Variants in TMC1 observed in about 807,000 individuals in gnomAD.
The protein encoded by TMC1 is transmembrane channel like 1.
A neutral mutation model predicts 105.8 loss-of-function variants in TMC1; 84 were observed. That is an observed-to-expected ratio of 0.79 (90% CI 0.67 to 0.95). The LOEUF (loss-of-function observed/expected upper bound fraction) is 0.95, where lower values mean the gene tolerates loss of function less well. TMC1 is among the 40% of genes least tolerant of loss of function. TMC1 has a pLI of 0.00. For missense variants in TMC1, 817 were observed against 914.1 expected (o/e 0.89, Z 1.37); for synonymous variants, 315 against 311.5 (o/e 1.01, Z -0.12).
chr9:72,815,353 A>G (rs562853454), intron 18 of TMC1, among the ~76,000 whole-genome samples: 1 of 152,274 alleles, frequency 6.6e-6, no homozygotes, highest in South Asian at 2.1e-4. Context: ...TATCCAAGAC[A>G]TGGAGACTGG....
chr9:72,539,003 G>T (rs1276115245), intron 1 of TMC1, among the ~76,000 whole-genome samples: 3 of 152,108 alleles, frequency 2.0e-5, no homozygotes, highest in Non-Finnish European at 4.4e-5. Flanking sequence ...TGACCAAGGG[G>T]TCCATTCAGT....
At chr9:72,630,248 G>C (rs140299719) in intron 4 of TMC1, among the ~76,000 whole-genome samples, 186 of 152,210 alleles carry the variant, frequency 1.2e-3, no homozygotes, top group African/African-American at 4.2e-3. Context: ...ACAATTACAT[G>C]TTAAAACTAG....
At chr9:72,822,657 G>A (rs189885198) in intron 20 of TMC1, among the ~76,000 whole-genome samples, 214 of 152,088 alleles carry the variant, frequency 1.4e-3, no homozygotes, top group Middle Eastern at 3.4e-3. Context: ...AATAAATTCC[G>A]AACCAATCTC....
chr9:72,545,957 AAAAC>A (rs1823759563), intron 1 of TMC1, among the ~76,000 whole-genome samples: 1 of 152,026 alleles, frequency 6.6e-6, no homozygotes, highest in African/African-American at 2.4e-5. Flanking sequence ...GCTCAAAAAA[AAAAC>A]AAACCTTCAC....
intron 3 of TMC1, among the ~76,000 whole-genome samples, chr9:72,620,554 T>C (rs1024824506): frequency 6.6e-6 from 1 of 152,148 alleles, no homozygotes; most frequent in Non-Finnish European, 1.5e-5. Flanking sequence ...CCTAGCCAGA[T>C]TTCTATTACT....
At chr9:72,642,944 A>G (rs1225419727) in intron 4 of TMC1, among the ~76,000 whole-genome samples, 1 of 152,136 alleles carries the variant, frequency 6.6e-6, no homozygotes, top group Non-Finnish European at 1.5e-5. Flanking sequence ...TTTCCTGTCT[A>G]TAGTTTTGCC....
intron 12 of TMC1, among the ~76,000 whole-genome samples, chr9:72,764,489 G>A (rs953549125): frequency 2.6e-5 from 4 of 152,076 alleles, no homozygotes; most frequent in African/African-American, 4.8e-5. Flanking sequence ...GTCTCATTTT[G>A]TTAAGAGTTT....
intron 8 of TMC1, among the ~76,000 whole-genome samples, chr9:72,739,915 A>G (rs1318923869): frequency 6.6e-6 from 1 of 152,234 alleles, no homozygotes; most frequent in Non-Finnish European, 1.5e-5. Context: ...TGAGACTAAA[A>G]TATCTTACTC....
intron 1 of TMC1, among the ~76,000 whole-genome samples, chr9:72,559,083 G>A (rs539073406): frequency 7.2e-5 from 11 of 151,784 alleles, no homozygotes; most frequent in Middle Eastern, 3.4e-3. Context: ...TAAGAAATGA[G>A]CCTGGAAGAT....
At chr9:72,631,813 A>G (rs1258537586) in intron 4 of TMC1, among the ~76,000 whole-genome samples, 1 of 152,340 alleles carries the variant, frequency 6.6e-6, no homozygotes, top group East Asian at 1.9e-4. Context: ...AATGAGGCCT[A>G]TAAAAACAAG....
chr9:72,775,467 C>A (rs1363443546), intron 13 of TMC1, among the ~76,000 whole-genome samples: 2 of 152,144 alleles, frequency 1.3e-5, no homozygotes, highest in Non-Finnish European at 2.9e-5. Flanking sequence ...GGCTTGACAT[C>A]AGAACCCAAC....
chr9:72,605,457 C>T (rs577676955), intron 2 of TMC1, among the ~76,000 whole-genome samples: 4 of 152,212 alleles, frequency 2.6e-5, no homozygotes, highest in South Asian at 2.1e-4. Flanking sequence ...CTGAGGTCTC[C>T]GTCCTTGGAT....
At chr9:72,782,120 A>G (rs1022737840) in intron 13 of TMC1, among the ~76,000 whole-genome samples, 2 of 152,228 alleles carry the variant, frequency 1.3e-5, no homozygotes, top group Non-Finnish European at 2.9e-5. Context: ...ACCATGATCA[A>G]GTAGGCTTTA....
chr9:72,614,947 T>C (rs965759332), intron 2 of TMC1, among the ~76,000 whole-genome samples: 14 of 152,200 alleles, frequency 9.2e-5, no homozygotes, highest in African/African-American at 3.4e-4. Context: ...CCCAATGTGC[T>C]AGGATTACAG....
intron 5 of TMC1, among the ~76,000 whole-genome samples, chr9:72,666,859 G>T (rs918140832): frequency 6.6e-6 from 1 of 151,492 alleles, no homozygotes; most frequent in African/African-American, 2.4e-5. Flanking sequence ...AGACCAGCCT[G>T]GGCAGCATAG....
intron 5 of TMC1, among the ~76,000 whole-genome samples, chr9:72,664,150 G>A (rs1243426025): frequency 6.6e-6 from 1 of 152,286 alleles, no homozygotes; most frequent in East Asian, 1.9e-4. Context: ...TAACGATTAA[G>A]AGTATTGTAC....
chr9:72,663,228 T>C (rs1347849976), intron 5 of TMC1, among the ~76,000 whole-genome samples: 3 of 152,124 alleles, frequency 2.0e-5, no homozygotes, highest in Admixed American at 6.5e-5. Context: ...TAGTTCCTGC[T>C]TAGCGGAGGT....
chr9:72,650,914 A>ATATATATATAAATATATATAGG (rs1396923213), intron 5 of TMC1, among the ~76,000 whole-genome samples: 4 of 139,680 alleles, frequency 2.9e-5, no homozygotes, highest in Admixed American at 7.2e-5. Flanking sequence ...ATATATATAG[A>ATATATATATAAATATATATAGG]TATATATATA....
chr9:72,789,431 GC>G (rs1828227258), intron 15 of TMC1, 114 bp downstream of exon 15: 1 of 979,652 alleles, frequency 1.0e-6, no homozygotes, highest in African/African-American at 1.6e-5. Context: ...CCCCTATCCT[GC>G]CCTTACAGTT....
Sources: allele counts gnomAD v4.1 joint callset (sites outside exome capture counted in the v4.1 genomes callset), GRCh38; gene constraint gnomAD v4.1.1; transcripts MANE v1.5; gene names NCBI Gene and HGNC (gene_info 2026-07-23, HGNC 2026-07-21).